The following DHRS4 variants were observed in gnomAD, a reference collection of about 807,000 sequenced individuals.
DHRS4 encodes dehydrogenase/reductase 4.
A neutral mutation model predicts 28.4 loss-of-function variants in DHRS4; 20 were observed. The ratio of observed to expected loss-of-function variants is 0.71; its 90% CI spans 0.50 to 1.02. The LOEUF (loss-of-function observed/expected upper bound fraction) is 1.02. Among genes scored for constraint, DHRS4 ranks in the 50% least tolerant of loss-of-function variants. The pLI is 0.00. For missense variants in DHRS4, 378 were observed against 367.2 expected, an observed-to-expected ratio of 1.03 and a Z score of -0.24; for synonymous variants, 144 against 146.4, an observed-to-expected ratio of 0.98 and a Z score of 0.12.
chr14:23,954,709 C>T (rs11158470), intron 1 of DHRS4, among the ~76,000 whole-genome samples: 28,257 of 152,184 alleles, frequency 0.19, 6,254 homozygotes, highest in African/African-American at 0.54. Context: ...CCTCAAATCA[C>T]GGAAGTGGCT....
Position 23,959,882 on chromosome 14 carries a change from G to C in DHRS4, c.307-20G>C. On this transcript the variant is annotated intron_variant, in intron 2 of 7. Coordinates refer to ENST00000313250, the MANE Select transcript of DHRS4 (RefSeq NM_021004.4). Reference sequence around the variant, plus strand: ...CCTTACTTACTGCAGCCCTGGTCCAGAACTTACCCCTCTCTCTAGGCTGTG... The same window carrying C: ...CCTTACTTACTGCAGCCCTGGTCCACAACTTACCCCTCTCTCTAGGCTGTG... The C allele has an allele frequency of 1.9e-6, 3 of 1,611,718 alleles. No individual in the cohort carries two copies. Among genetic ancestry groups the C allele is most frequent in the Non-Finnish European group, 2.5e-6 (3 of 1,178,782 alleles).
chr14:23,955,068 G>C lies in DHRS4; in HGVS notation c.162G>C (p.Gln54His), dbSNP rs2033057835. The change falls in exon 2 of 8, where the codon CAG becomes CAC. Residue 54 changes from glutamine to histidine, a missense_variant. Transcript: ENST00000313250. ...TCGCCATCGCCCGGCGTTTGGCCCA[G>C]GACGGGGCCCATGTGGTCGTCAGCA... Reference protein sequence around the residue: ...IGFAIARRLAQDGAHVVVSSR... With the variant: ...IGFAIARRLAHDGAHVVVSSR... 3.1e-6 allele frequency: 5 copies of C among 1,614,086 alleles called. No individual in the cohort carries two copies. The highest frequency in any genetic ancestry group is 2.2e-5 in the South Asian group (2 of 91,088).
rs540450269 is a variant in DHRS4, at chr14:23,953,878, C to T, written c.90C>T (p.Leu30=). 4 of 1,611,210 alleles carry T rather than the reference C, an allele frequency of 2.5e-6. No homozygotes were observed. Among genetic ancestry groups the T allele is most frequent in the African/African-American group, 2.7e-5 (2 of 74,762 alleles). Residue 30 remains leucine (L), a synonymous_variant, in exon 1 of 8, where the codon CTC becomes CTT. Coordinates refer to ENST00000313250, the MANE Select transcript of DHRS4 (RefSeq NM_021004.4). The part of the protein sequence containing the change: ...ASSGMTRRDP[L]ANKVALVTAS... ...CCGGGATGACCCGCCGGGACCCGCT[C>T]GCAAATAAGGTGGCCCTGGTAACGG...
In DHRS4 at chr14:23,955,200, G is replaced by C. The variant is rs776268240; in HGVS notation, c.294G>C (p.Arg98=). Residue 98 remains arginine, a synonymous_variant, in exon 2 of 8, where the codon CGG becomes CGC. Coordinates refer to ENST00000313250, the MANE Select transcript of DHRS4 (RefSeq NM_021004.4). ...CHVGKAEDRE[R]LVATAVKLHG... is the part of the protein sequence containing the mutation. Reference sequence around the variant, plus strand: ...TGGGGAAGGCGGAGGACCGGGAGCGGCTGGTGGCCACGGTGAGCTGCAGGG... The same window carrying C: ...TGGGGAAGGCGGAGGACCGGGAGCGCCTGGTGGCCACGGTGAGCTGCAGGG... 1.9e-6 allele frequency: 3 copies of C among 1,613,016 alleles called. No homozygotes were observed. The South Asian group carries it at 3.3e-5, about 18-fold the overall frequency.
chr14:23,968,695 C>T (rs1374464952), intron 7 of DHRS4, 62 bp from the exon 8 acceptor site: 3 of 1,588,796 alleles, frequency 1.9e-6, no homozygotes, highest in Non-Finnish European at 2.6e-6. Flanking sequence ...TCCCTGTGTC[C>T]CAGGTGAGGG....
At chr14:23,967,105 G>C (rs2033654367) in intron 6 of DHRS4, 106 bp from the exon 7 acceptor site, 1 of 1,435,390 alleles carries the variant, frequency 7.0e-7, no homozygotes, top group Non-Finnish European at 9.3e-7. Flanking sequence ...AGTGAGCCAA[G>C]ATAGCGCCAC....
chr14:23,955,290 G>T (rs1306017173), intron 2 of DHRS4, 78 bp downstream of exon 2: 2 of 1,500,186 alleles, frequency 1.3e-6, no homozygotes, highest in African/African-American at 2.8e-5. Context: ...TGCTTTCCTA[G>T]ACAGCAGCAC....
chr14:23,961,621 C>T (rs1447402485), intron 3 of DHRS4, among the ~76,000 whole-genome samples: 3 of 119,354 alleles, frequency 2.5e-5, no homozygotes, highest in East Asian at 2.9e-4. Flanking sequence ...CAGGTTCAAG[C>T]GATTCTTGTG....
At chr14:23,968,223 C>T (rs2033704554) in intron 7 of DHRS4, 1 of 156,512 alleles carries the variant, frequency 6.4e-6, no homozygotes, top group Non-Finnish European at 1.3e-5. Flanking sequence ...CTAGAGCATT[C>T]TATGGCAGGG....
intron 1 of DHRS4, among the ~76,000 whole-genome samples, chr14:23,954,374 T>C (rs189233220): frequency 2.8e-3 from 433 of 152,270 alleles, no homozygotes; most frequent in Non-Finnish European, 4.7e-3. Context: ...CAGAGCCATA[T>C]GTCGAGATTT....
At chr14:23,965,636 T>C in intron 3 of DHRS4, 126 bp from the exon 4 acceptor site, 3 of 753,176 alleles carry the variant, frequency 4.0e-6, no homozygotes, top group Non-Finnish European at 6.5e-6. Context: ...AAGATGCAGG[T>C]ATATCATCCT....
At chr14:23,953,982 T>A in intron 1 of DHRS4, 66 bp downstream of exon 1, 1 of 1,541,538 alleles carries the variant, frequency 6.5e-7, no homozygotes, top group Non-Finnish European at 8.7e-7. Flanking sequence ...CCTCTCATCC[T>A]CGGCCTCCGG....
At chr14:23,967,335 C>A (rs1453987242) in intron 7 of DHRS4, 69 bp downstream of exon 7, 9 of 1,539,360 alleles carry the variant, frequency 5.8e-6, no homozygotes, top group Non-Finnish European at 8.0e-6. Context: ...TAGCAGCCCA[C>A]AGCCCGCTGT....
chr14:23,959,207 G>T (rs572173848), intron 2 of DHRS4, among the ~76,000 whole-genome samples: 2 of 152,304 alleles, frequency 1.3e-5, no homozygotes, highest in South Asian at 2.1e-4. Context: ...CAAAGGGGAA[G>T]TGTAAAGAAA....
chr14:23,965,011 C>G (rs1307055526), intron 3 of DHRS4, among the ~76,000 whole-genome samples: 2 of 151,612 alleles, frequency 1.3e-5, no homozygotes, highest in African/African-American at 4.9e-5. Flanking sequence ...TACAGATCTA[C>G]AGAGAGGACA....
chr14:23,959,812 C>T, intron 2 of DHRS4, 90 bp from the exon 3 acceptor site: 1 of 1,470,392 alleles, frequency 6.8e-7, no homozygotes, highest in South Asian at 1.2e-5. Context: ...AGCCACAGCT[C>T]CTTGCCCAGA....
Position 23,960,902 on chromosome 14 carries a change from C to T in DHRS4, c.408+899C>T, listed in dbSNP as rs900651903. ...CTGCTTCTGATGAGGCCTCAGGAAG[C>T]TTACAATCATGGCAGAAGGAAAAAG... On this transcript the variant is annotated intron_variant, in intron 3 of 7. Transcript: ENST00000313250. Among the ~76,000 whole-genome samples, 47 of 151,766 alleles carry T rather than the reference C, an allele frequency of 3.1e-4. 1 individual carries two copies. The highest frequency in any genetic ancestry group is 1.1e-3 in the African/African-American group (46 of 41,064).
chr14:23,964,905 A>G (rs1467283790), intron 3 of DHRS4, among the ~76,000 whole-genome samples: 1 of 149,422 alleles, frequency 6.7e-6, no homozygotes, highest in East Asian at 2.0e-4. Flanking sequence ...TTTAATTTAC[A>G]TTTTTTTATT....
chr14:23,965,686 C>G, intron 3 of DHRS4, 76 bp from the exon 4 acceptor site: 1 of 1,250,472 alleles, frequency 8.0e-7, no homozygotes, highest in South Asian at 1.4e-5. Flanking sequence ...TAGGAACCCA[C>G]TCTAACTCCT....
Sources: allele counts gnomAD v4.1 joint callset (sites outside exome capture counted in the v4.1 genomes callset), GRCh38; gene constraint gnomAD v4.1.1; transcripts MANE v1.5; gene names NCBI Gene and HGNC (gene_info 2026-07-23, HGNC 2026-07-21).